PRICKLE1: variants seen among roughly 807,000 people sequenced by gnomAD.
The protein encoded by PRICKLE1 is prickle planar cell polarity protein 1.
Under a neutral mutation model 70.2 loss-of-function variants are expected in PRICKLE1, and 14 were observed. The observed-to-expected ratio is 0.20, with a 90% confidence interval of 0.13 to 0.31. The LOEUF (loss-of-function observed/expected upper bound fraction) is 0.31. Among genes scored for constraint, PRICKLE1 ranks in the 10% least tolerant of loss-of-function variants. PRICKLE1 has a pLI of 1.00. For synonymous variants in PRICKLE1, 357 were observed against 379.9 expected (o/e 0.94, Z 0.70); for missense variants, 821 against 1,026.2 (o/e 0.80, Z 2.73).
intron 1 of PRICKLE1, among the ~76,000 whole-genome samples, chr12:42,530,501 A>G (rs2600933): frequency 0.13 from 19,304 of 151,934 alleles, 2,266 homozygotes; most frequent in African/African-American, 0.31. Flanking sequence ...TTTCTTTAAT[A>G]CTACTCAGGG....
intron 1 of PRICKLE1, among the ~76,000 whole-genome samples, chr12:42,580,426 C>T (rs895854383): frequency 1.3e-5 from 2 of 152,044 alleles, no homozygotes; most frequent in Admixed American, 1.3e-4. Flanking sequence ...AGTTGTTAAC[C>T]TGGAGAAAAA....
chr12:42,533,522 A>G (rs1347729093), intron 1 of PRICKLE1, among the ~76,000 whole-genome samples: 2 of 152,198 alleles, frequency 1.3e-5, no homozygotes, highest in Non-Finnish European at 2.9e-5. Context: ...TAGTATAAGA[A>G]CTGTGGGAAA....
chr12:42,540,922 T>C (rs780317994), intron 1 of PRICKLE1, among the ~76,000 whole-genome samples: 4 of 152,168 alleles, frequency 2.6e-5, no homozygotes, highest in Non-Finnish European at 4.4e-5. Context: ...CACTTTGTGG[T>C]TGTATTTAGA....
In PRICKLE1 at chr12:42,459,629, A is replaced by C; in HGVS notation, c.*180T>G. 1.3e-6 allele frequency: 1 copy of C among 777,410 alleles called. No individual in the cohort carries two copies. The highest frequency in any genetic ancestry group is 2.1e-6 in the Non-Finnish European group (1 of 470,584). 48.2% of individuals were successfully genotyped at this position (777,410 alleles called of 1,614,324 possible). On this transcript the variant is annotated 3_prime_UTR_variant, in exon 8 of 8. Coordinates refer to ENST00000345127, the MANE Select transcript of PRICKLE1 (RefSeq NM_153026.3). ...CACCTGGCACCATCCAAAGAGGGTA[A>C]ATTGGAGAAATCACACCTTTCAAAT... is the stretch of plus-strand genomic sequence containing the variant.
At chr12:42,496,288 C>T (rs1410899819) in intron 1 of PRICKLE1, among the ~76,000 whole-genome samples, 2 of 152,148 alleles carry the variant, frequency 1.3e-5, no homozygotes, top group East Asian at 1.9e-4. Context: ...TAGTAGTTCT[C>T]AACATTCAGC....
At chr12:42,515,399 C>T (rs897410548) in intron 1 of PRICKLE1, among the ~76,000 whole-genome samples, 1 of 152,072 alleles carries the variant, frequency 6.6e-6, no homozygotes, top group African/African-American at 2.4e-5. Context: ...GCCACCACGC[C>T]CGACTAATTT....
chr12:42,581,741 C>T lies in PRICKLE1; in HGVS notation c.-49+7724G>A, dbSNP rs541284351. Among the ~76,000 whole-genome samples the T allele has an allele frequency of 2.4e-3, 333 of 139,750 alleles. 1 individual carries two copies. The highest frequency in any genetic ancestry group is 7.8e-3 in the African/African-American group (294 of 37,836). The allele number at this position is 139,750 out of a possible 152,430, so 91.7% of individuals were successfully genotyped here. A position where few individuals can be genotyped will look rare whatever the true frequency, so the allele number is the denominator to read the frequency against. On this transcript the variant is annotated intron_variant, in intron 1 of 7. Transcript: ENST00000345127. ...CAGCCTGGGTGACAGAAGGAGACTC[C>T]ATCTCAAAAAAAAAAAAAAAGTTAT...
chr12:42,461,212 C>T (rs1446913172), intron 7 of PRICKLE1, among the ~76,000 whole-genome samples: 1 of 152,116 alleles, frequency 6.6e-6, no homozygotes. Context: ...AGCCTGGAGT[C>T]AAAGATTAGT....
intron 1 of PRICKLE1, among the ~76,000 whole-genome samples, chr12:42,549,298 T>C (rs1215114584): frequency 6.6e-6 from 1 of 151,950 alleles, no homozygotes; most frequent in Non-Finnish European, 1.5e-5. Flanking sequence ...AGAACACACA[T>C]CAAACTGGCC....
chr12:42,523,209 C>T (rs1056348588), intron 1 of PRICKLE1, among the ~76,000 whole-genome samples: 7 of 152,178 alleles, frequency 4.6e-5, no homozygotes, highest in East Asian at 1.9e-4. Context: ...CCTCATGATC[C>T]GCCCGCCTTG....
At chr12:42,480,657 C>T (rs1938759889) in intron 1 of PRICKLE1, among the ~76,000 whole-genome samples, 1 of 152,132 alleles carries the variant, frequency 6.6e-6, no homozygotes, top group Non-Finnish European at 1.5e-5. Flanking sequence ...TTGACCTTGA[C>T]ATATACATAA....
At chr12:42,540,789 G>GACCTCAGGTGATCTGCCC (rs2120596373) in intron 1 of PRICKLE1, among the ~76,000 whole-genome samples, 1 of 152,226 alleles carries the variant, frequency 6.6e-6, no homozygotes, top group South Asian at 2.1e-4. Context: ...TCAAACTCCT[G>GACCTCAGGTGATCTGCCC]ACCTCAGGTG....
intron 1 of PRICKLE1, among the ~76,000 whole-genome samples, chr12:42,519,125 G>A (rs186241519): frequency 1.6e-4 from 24 of 151,126 alleles, no homozygotes; most frequent in African/African-American, 5.3e-4. Flanking sequence ...ATTCTTAGGT[G>A]GCATTATTTA....
At chr12:42,580,861 T>C (rs1417310998) in intron 1 of PRICKLE1, among the ~76,000 whole-genome samples, 2 of 148,262 alleles carry the variant, frequency 1.3e-5, no homozygotes, top group Non-Finnish European at 3.0e-5. Flanking sequence ...TCATTAAGAG[T>C]GAATGAATGA....
At chr12:42,540,656 G>A (rs754107128) in intron 1 of PRICKLE1, among the ~76,000 whole-genome samples, 15 of 152,122 alleles carry the variant, frequency 9.9e-5, no homozygotes, top group South Asian at 6.2e-4. Context: ...TCCGCCTCCC[G>A]GGTTCAAGCG....
intron 1 of PRICKLE1, chr12:42,489,647 G>A (rs1403990256): frequency 1.8e-5 from 2 of 113,668 alleles, no homozygotes; most frequent in African/African-American, 3.3e-5. Flanking sequence ...GGATAAGAGC[G>A]AGACTTCTCT....
intron 1 of PRICKLE1, among the ~76,000 whole-genome samples, chr12:42,495,792 C>T (rs1450774573): frequency 1.3e-5 from 2 of 152,060 alleles, no homozygotes; most frequent in African/African-American, 4.8e-5. Flanking sequence ...GGGGTTTCAC[C>T]GTGTTGCTCA....
rs995483745 is a variant in PRICKLE1, at chr12:42,456,798, A to G, written c.*3011T>C. The G allele has an allele frequency of 1.2e-4, 19 of 152,326 alleles. No individual in the cohort carries two copies. Among genetic ancestry groups the G allele is most frequent in the African/African-American group, 4.6e-4 (19 of 41,564 alleles). The allele number at this position is 152,326 out of a possible 1,614,324, so 9.4% of individuals were successfully genotyped here. A position where few individuals can be genotyped will look rare whatever the true frequency, so the allele number is the denominator to read the frequency against. ...TTATTTTCTTGCCAATTCTTTACAGAACTGTAAGGCAGTTGCTTCTTTCTT... is the reference window on the plus strand; with the variant it reads ...TTATTTTCTTGCCAATTCTTTACAGGACTGTAAGGCAGTTGCTTCTTTCTT... On this transcript the variant is annotated 3_prime_UTR_variant, in exon 8 of 8. Transcript: ENST00000345127.
At chr12:42,485,744 A>G (rs542113293) in intron 1 of PRICKLE1, among the ~76,000 whole-genome samples, 25 of 152,244 alleles carry the variant, frequency 1.6e-4, no homozygotes, top group Non-Finnish European at 2.9e-4. Flanking sequence ...TTAGGCAACA[A>G]AATACTTCCA....
Sources: allele counts gnomAD v4.1 joint callset (sites outside exome capture counted in the v4.1 genomes callset), GRCh38; gene constraint gnomAD v4.1.1; transcripts MANE v1.5; gene names NCBI Gene and HGNC (gene_info 2026-07-23, HGNC 2026-07-21).